ASPH: variants seen among roughly 807,000 people sequenced by gnomAD.
ASPH encodes aspartyl/asparaginyl beta-hydroxylase.
In ASPH, 100 loss-of-function variants were observed where a neutral mutation model predicts 118.4. The observed-to-expected ratio is 0.84, with a 90% CI of 0.72 to 1.00. The LOEUF is 1.00. ASPH is among the 50% of genes least tolerant of loss of function. The pLI is 0.00. For missense variants in ASPH, 920 were observed against 919.5 expected (o/e 1.00, Z -0.01); for synonymous variants, 315 against 325.6 (o/e 0.97, Z 0.35).
chr8:61,626,313 AC>A (rs1425431966), intron 13 of ASPH: 2 of 1,548,172 alleles, frequency 1.3e-6, no homozygotes, highest in Non-Finnish European at 1.7e-6. Flanking sequence ...AAATTAAAGG[AC>A]CAACCAGACA....
At chr8:61,607,215 T>C (rs1845842800) in intron 14 of ASPH, 1 of 691,136 alleles carries the variant, frequency 1.4e-6, no homozygotes, top group Admixed American at 2.1e-5. Context: ...ATCTTCTTTA[T>C]TCAGTTCCCC....
At chr8:61,690,067 T>C (rs1000809123) in intron 1 of ASPH, among the ~76,000 whole-genome samples, 1 of 152,214 alleles carries the variant, frequency 6.6e-6, no homozygotes, top group African/African-American at 2.4e-5. Flanking sequence ...TTTTGTTTTC[T>C]TGGAAGCAGG....
chr8:61,580,394 T>TC (rs1837128380), intron 15 of ASPH, among the ~76,000 whole-genome samples: 2 of 152,170 alleles, frequency 1.3e-5, no homozygotes. Flanking sequence ...TCAATACACG[T>TC]CCTCTGAAAT....
At chr8:61,599,898 C>T (rs1843478504) in intron 14 of ASPH, among the ~76,000 whole-genome samples, 1 of 152,196 alleles carries the variant, frequency 6.6e-6, no homozygotes, top group Admixed American at 6.5e-5. Context: ...TTCTTCCTAG[C>T]TCATTCTACC....
chr8:61,564,654 G>A (rs547263102), intron 17 of ASPH, among the ~76,000 whole-genome samples: 21 of 152,260 alleles, frequency 1.4e-4, no homozygotes, highest in East Asian at 1.2e-3. Context: ...CTGGAGTCCC[G>A]GCCCTGCCTT....
intron 12 of ASPH, among the ~76,000 whole-genome samples, chr8:61,637,037 A>G (rs1858136903): frequency 6.6e-6 from 1 of 152,106 alleles, no homozygotes; most frequent in African/African-American, 2.4e-5. Flanking sequence ...CAACTGCACC[A>G]TTCCATTTTC....
At chr8:61,639,763 G>A (rs1396913388) in intron 10 of ASPH, among the ~76,000 whole-genome samples, 2 of 152,108 alleles carry the variant, frequency 1.3e-5, no homozygotes, top group African/African-American at 4.8e-5. Context: ...TCTCCTCTCA[G>A]ATGCCTCAAA....
intron 14 of ASPH, among the ~76,000 whole-genome samples, chr8:61,608,960 G>C (rs181078948): frequency 6.6e-6 from 1 of 152,272 alleles, no homozygotes; most frequent in East Asian, 1.9e-4. Flanking sequence ...AGTATACAGT[G>C]GTGCCTAAGG....
At chr8:61,683,875 C>T (rs1829343184) in intron 2 of ASPH, 164 bp downstream of exon 2, 2 of 789,166 alleles carry the variant, frequency 2.5e-6, no homozygotes, top group South Asian at 2.2e-5. Context: ...AGACAATACT[C>T]CAAGGTAACC....
At chr8:61,624,942 G>A (rs775288850) in intron 13 of ASPH, 4 of 984,880 alleles carry the variant, frequency 4.1e-6, no homozygotes, top group South Asian at 9.4e-5. Flanking sequence ...ATTACACATC[G>A]AGTACCCATG....
In ASPH at chr8:61,518,017, C is replaced by A. The variant is rs974663981; in HGVS notation, c.1992+15G>T. The stretch of plus-strand genomic sequence containing the variant: ...ACAATTAATTGTATTCTCCCCAGCA[C>A]GACACTCTTGGTACCTGTCCTCTTC... On this transcript the variant is annotated intron_variant, in intron 23 of 24. Coordinates refer to ENST00000379454, the MANE Select transcript of ASPH (RefSeq NM_004318.4). 2 of 1,601,502 alleles carry A rather than the reference C, an allele frequency of 1.2e-6. No individual in the cohort carries two copies. The highest frequency in any genetic ancestry group is 2.7e-5 in the African/African-American group (2 of 74,492).
At position 61,531,576 on chromosome 8, in the gene ASPH, G is replaced by A. The variant is rs142686683; in HGVS notation, c.1765-5464C>T. ...GTGATACTATTTTTATTTTAAAAATGTATAGTTGACAGAGATTGAATATAT... is the reference window on the plus strand; with the variant it reads ...GTGATACTATTTTTATTTTAAAAATATATAGTTGACAGAGATTGAATATAT... On this transcript the variant is annotated intron_variant, in intron 21 of 24. Coordinates refer to ENST00000379454, the MANE Select transcript of ASPH (RefSeq NM_004318.4). Among the ~76,000 whole-genome samples, 96 of 151,864 alleles carry A rather than the reference G, an allele frequency of 6.3e-4. 1 individual carries two copies. In the Middle Eastern group the frequency reaches 0.027, roughly 43 times the overall value.
chr8:61,712,402 T>G (rs746736217), intron 1 of ASPH, among the ~76,000 whole-genome samples: 3 of 152,304 alleles, frequency 2.0e-5, no homozygotes, highest in Non-Finnish European at 2.9e-5. Flanking sequence ...GAACTCAGTA[T>G]CTACTGGAGA....
intron 21 of ASPH, among the ~76,000 whole-genome samples, chr8:61,547,162 C>G (rs1824204296): frequency 6.6e-6 from 1 of 152,090 alleles, no homozygotes; most frequent in African/African-American, 2.4e-5. Context: ...GGGGGCTTAC[C>G]AAAGCAAAAG....
At chr8:61,623,225 C>T (rs545682816) in intron 13 of ASPH, among the ~76,000 whole-genome samples, 1 of 152,326 alleles carries the variant, frequency 6.6e-6, no homozygotes, top group African/African-American at 2.4e-5. Context: ...TTCATTACTG[C>T]TGTCTTTTGA....
chr8:61,535,681 A>G (rs1343059920), intron 21 of ASPH, among the ~76,000 whole-genome samples: 1 of 152,250 alleles, frequency 6.6e-6, no homozygotes, highest in Non-Finnish European at 1.5e-5. Flanking sequence ...TATGCTTGTC[A>G]TTAGTTATTA....
In ASPH at chr8:61,651,129, A is replaced by T; in HGVS notation, c.416-5T>A. The T allele has an allele frequency of 6.2e-7, 1 of 1,612,556 alleles. No individual in the cohort carries two copies. The highest frequency in any genetic ancestry group is 8.5e-7 in the Non-Finnish European group (1 of 1,179,084). On this transcript the variant is annotated splice_polypyrimidine_tract_variant and splice_region_variant and intron_variant, in intron 4 of 24. Coordinates refer to ENST00000379454, the MANE Select transcript of ASPH (RefSeq NM_004318.4). Reference sequence around the variant, plus strand: ...CATCTTCGATATTCTGGGGTTCTAAAATAATTGCAAAACATAGCTAAGTAG... The same window carrying T: ...CATCTTCGATATTCTGGGGTTCTAATATAATTGCAAAACATAGCTAAGTAG...
intron 11 of ASPH, 73 bp downstream of exon 11, chr8:61,638,249 C>G: frequency 6.6e-7 from 1 of 1,525,530 alleles, no homozygotes; most frequent in South Asian, 1.2e-5. Context: ...CTCTTTGTTC[C>G]ACAGGTAGGA....
intron 24 of ASPH, among the ~76,000 whole-genome samples, chr8:61,513,777 A>T (rs1809777653): frequency 6.6e-6 from 1 of 151,304 alleles, no homozygotes; most frequent in Non-Finnish European, 1.5e-5. Flanking sequence ...CTCATTCAAG[A>T]CCCCCCTCTG....
Sources: gnomAD v4.1 joint callset for allele counts (sites outside exome capture counted in the v4.1 genomes callset) on GRCh38, gnomAD v4.1.1 for gene constraint, MANE v1.5 for transcripts, NCBI Gene and HGNC (gene_info 2026-07-23, HGNC 2026-07-21) for gene names.